Variants in RALGPS1 observed in about 807,000 individuals in gnomAD.
RALGPS1 encodes ras-specific guanine nucleotide-releasing factor RalGPS1.
RALGPS1 carries 19 observed loss-of-function variants against 78.8 expected under a neutral mutation model. The observed-to-expected ratio is 0.24, with a 90% confidence interval of 0.17 to 0.35. RALGPS1 has a LOEUF of 0.35. Ranked by LOEUF, RALGPS1 falls within the 10% of genes least tolerant of loss-of-function variation. The probability of loss-of-function intolerance (pLI) is 1.00; values close to 1 mark genes in which losing one functional copy is unlikely to be tolerated. For missense variants in RALGPS1, 454 were observed against 688.3 expected, an observed-to-expected ratio of 0.66 and a Z score of 3.81; for synonymous variants, 228 against 256.3, an observed-to-expected ratio of 0.89 and a Z score of 1.06.
rs754902479 is a variant in RALGPS1 at position 127,212,624 on chromosome 9, T to C, written c.1354-3T>C. The C allele has an allele frequency of 1.9e-6, 3 of 1,604,804 alleles. No homozygotes were observed. Among genetic ancestry groups the C allele is most frequent in the South Asian group, 2.2e-5 (2 of 90,428 alleles). The stretch of plus-strand genomic sequence containing the variant: ...CATCACTCAGCCTCCCCTTCCTCTG[T>C]AGCTGTCCTCGTGGACCAGGTACTG... On this transcript the variant is annotated splice_region_variant and splice_polypyrimidine_tract_variant and intron_variant, in intron 15 of 18. Coordinates refer to ENST00000259351, the MANE Select transcript of RALGPS1 (RefSeq NM_014636.3). This position sits in a 1 kb window ranked among gnomAD's most constrained non-coding sequence, Gnocchi z 6.0.
chr9:127,162,150 G>A (rs1293949906), intron 8 of RALGPS1, among the ~76,000 whole-genome samples: 2 of 152,208 alleles, frequency 1.3e-5, no homozygotes, highest in Non-Finnish European at 2.9e-5. Flanking sequence ...GTCAGCCAGC[G>A]TTTACCAAGC....
At chr9:126,960,075 A>G (rs1178173552) in intron 1 of RALGPS1, among the ~76,000 whole-genome samples, 2 of 152,142 alleles carry the variant, frequency 1.3e-5, no homozygotes, top group African/African-American at 4.8e-5. Context: ...AGTCATTGTC[A>G]GCACTGGAGA....
intron 10 of RALGPS1, among the ~76,000 whole-genome samples, chr9:127,172,826 C>T (rs2059635348): frequency 6.6e-6 from 1 of 152,100 alleles, no homozygotes; most frequent in Admixed American, 6.5e-5. Flanking sequence ...GGGATTTCGT[C>T]TGCTCCTGGG....
At position 127,085,292 on chromosome 9, in the gene RALGPS1, C is replaced by T. The variant is rs533328886; in HGVS notation, c.610+15936C>T. 2.4e-4 allele frequency among the ~76,000 whole-genome samples: 37 copies of T among 152,304 alleles called. 1 individual carries two copies. In the South Asian group the frequency reaches 7.7e-3, roughly 32 times the overall value. On this transcript the variant is annotated intron_variant, in intron 8 of 18. Transcript: ENST00000259351. Reference sequence around the variant, plus strand: ...CTTCATTGACTTCCTTCTGGGTCTGCAAATGCAGTGCAACCACCATGGCGA... The same window carrying T: ...CTTCATTGACTTCCTTCTGGGTCTGTAAATGCAGTGCAACCACCATGGCGA...
intron 4 of RALGPS1, among the ~76,000 whole-genome samples, chr9:126,999,338 C>G (rs1427468357): frequency 6.6e-6 from 1 of 152,060 alleles, no homozygotes; most frequent in African/African-American, 2.4e-5. Flanking sequence ...GCATCATCAC[C>G]CAAAGTCCAT....
intron 1 of RALGPS1, among the ~76,000 whole-genome samples, chr9:126,953,394 CGTGT>C (rs895339906): frequency 7.3e-5 from 11 of 151,558 alleles, no homozygotes; most frequent in East Asian, 5.8e-4. Flanking sequence ...TGTGTGTGCG[CGTGT>C]GTGTATGTGT....
chr9:127,034,782 T>G (rs1423219520), intron 5 of RALGPS1, among the ~76,000 whole-genome samples: 1 of 152,196 alleles, frequency 6.6e-6, no homozygotes, highest in African/African-American at 2.4e-5. Flanking sequence ...CTTAATATGC[T>G]TTGCAAGGTT....
At chr9:127,092,084 C>A in intron 8 of RALGPS1, 1 of 963,498 alleles carries the variant, frequency 1.0e-6, no homozygotes, top group Non-Finnish European at 1.6e-6. Flanking sequence ...CCCTACTCCA[C>A]CTCTTAATCT....
At chr9:127,089,740 ACAT>A (rs2052230360) in intron 8 of RALGPS1, among the ~76,000 whole-genome samples, 1 of 152,244 alleles carries the variant, frequency 6.6e-6, no homozygotes, top group African/African-American at 2.4e-5. Flanking sequence ...TGGCATTATC[ACAT>A]CATGCTGAAT....
intron 1 of RALGPS1, among the ~76,000 whole-genome samples, chr9:126,942,176 T>C (rs2036853712): frequency 6.6e-6 from 1 of 152,218 alleles, no homozygotes; most frequent in Admixed American, 6.5e-5. Flanking sequence ...CTTTTCCCAG[T>C]TTATTGACTG....
intron 7 of RALGPS1, among the ~76,000 whole-genome samples, chr9:127,053,337 G>C (rs2048452968): frequency 6.6e-6 from 1 of 152,156 alleles, no homozygotes; most frequent in South Asian, 2.1e-4. Context: ...ATACCGCTAA[G>C]TTTCTCTGGA....
intron 8 of RALGPS1, among the ~76,000 whole-genome samples, chr9:127,099,201 G>A (rs1195014136): frequency 6.6e-6 from 1 of 152,176 alleles, no homozygotes; most frequent in Non-Finnish European, 1.5e-5. Flanking sequence ...CCACTCAGAG[G>A]ACCCTGTGGC....
intron 7 of RALGPS1, among the ~76,000 whole-genome samples, chr9:127,065,971 T>C (rs183115717): frequency 2.6e-4 from 39 of 152,348 alleles, no homozygotes; most frequent in African/African-American, 9.1e-4. Context: ...TGAGTCTCAT[T>C]TGTAGGCACA....
At chr9:126,971,409 T>G (rs1489530352) in intron 3 of RALGPS1, among the ~76,000 whole-genome samples, 1 of 151,986 alleles carries the variant, frequency 6.6e-6, no homozygotes, top group African/African-American at 2.4e-5. Context: ...GAAAAAAAAT[T>G]ATTTGGGCAT....
At chr9:126,919,240 T>C (rs1486827734) in intron 1 of RALGPS1, among the ~76,000 whole-genome samples, 1 of 152,214 alleles carries the variant, frequency 6.6e-6, no homozygotes, top group Non-Finnish European at 1.5e-5. Context: ...TGTTTTTGAC[T>C]GATATAAGCA....
intron 14 of RALGPS1, chr9:127,210,909 G>C: frequency 1.3e-6 from 1 of 744,030 alleles, no homozygotes; most frequent in Non-Finnish European, 2.2e-6. Context: ...CTACTGCCAG[G>C]TGCACTGGCT....
chr9:127,200,985 TCC>T (rs2061601732), intron 14 of RALGPS1, among the ~76,000 whole-genome samples: 1 of 152,220 alleles, frequency 6.6e-6, no homozygotes, highest in African/African-American at 2.4e-5. Context: ...AAGCAGCTGC[TCC>T]CTGCCAGACA....
chr9:127,179,622 A>G (rs1457817660), intron 11 of RALGPS1, among the ~76,000 whole-genome samples: 1 of 152,186 alleles, frequency 6.6e-6, no homozygotes, highest in East Asian at 1.9e-4. Context: ...CAGGCCAAGG[A>G]CTTGCTGTGA....
At chr9:127,053,036 C>A in intron 7 of RALGPS1, 97 bp downstream of exon 7, 1 of 891,018 alleles carries the variant, frequency 1.1e-6, no homozygotes, top group Non-Finnish European at 1.8e-6. Flanking sequence ...ACTGTCTATA[C>A]TTTGCCAACA....
Sources: gnomAD v4.1 joint callset for allele counts (sites outside exome capture counted in the v4.1 genomes callset) on GRCh38, gnomAD v4.1.1 for gene constraint, Gnocchi (gnomAD v3.1) non-coding constraint, MANE v1.5 for transcripts, NCBI Gene and HGNC (gene_info 2026-07-23, HGNC 2026-07-21) for gene names.